SLC35F1: variants seen among roughly 807,000 people sequenced by gnomAD.
SLC35F1 encodes the protein chromosome 6 open reading frame 169.
In SLC35F1, 14 loss-of-function variants were observed where a neutral mutation model predicts 48.7. The observed-to-expected ratio is 0.29, with a 90% CI of 0.19 to 0.45. SLC35F1 has a LOEUF of 0.45. Among genes scored for constraint, SLC35F1 ranks in the 20% least tolerant of loss-of-function variants. SLC35F1 has a pLI of 1.00. For synonymous variants in SLC35F1, 190 were observed against 202.2 expected, an observed-to-expected ratio of 0.94 and a Z score of 0.51; for missense variants, 404 against 500.0, an observed-to-expected ratio of 0.81 and a Z score of 1.83.
chr6:118,145,990 G>A (rs1277007422), intron 1 of SLC35F1, among the ~76,000 whole-genome samples: 1 of 152,162 alleles, frequency 6.6e-6, no homozygotes, highest in East Asian at 1.9e-4. Flanking sequence ...GACAATTAAT[G>A]TTGAAAGACA....
At chr6:118,245,245 A>G (rs1305393465) in intron 3 of SLC35F1, among the ~76,000 whole-genome samples, 4 of 152,166 alleles carry the variant, frequency 2.6e-5, no homozygotes, top group African/African-American at 9.7e-5. Flanking sequence ...TGGAGGGAAA[A>G]GACTGACTAA....
At chr6:118,194,942 A>G (rs1174863669) in intron 2 of SLC35F1, among the ~76,000 whole-genome samples, 1 of 152,070 alleles carries the variant, frequency 6.6e-6, no homozygotes, top group Non-Finnish European at 1.5e-5. Context: ...AAGCCTCTCA[A>G]TTTTGTAAGA....
In SLC35F1 at chr6:117,943,147, G is replaced by A. The variant is rs976903; in HGVS notation, c.173+35248G>A. ...TAATGGATTTCTAAAATACAGAGGAGTGCTCTATTTCAAATTCCATTTGAA... is the reference window on the plus strand; with the variant it reads ...TAATGGATTTCTAAAATACAGAGGAATGCTCTATTTCAAATTCCATTTGAA... On this transcript the variant is annotated intron_variant, in intron 1 of 7. Transcript: ENST00000360388. Among the ~76,000 whole-genome samples the A allele has an allele frequency of 7.6e-3, 1,155 of 152,246 alleles. 16 individuals carry two copies. The highest frequency in any genetic ancestry group is 0.026 in the African/African-American group (1,097 of 41,552).
chr6:117,961,285 A>G lies in SLC35F1; in HGVS notation c.173+53386A>G, dbSNP rs1309728858. Among the ~76,000 whole-genome samples the G allele has an allele frequency of 3.9e-5, 6 of 152,328 alleles. No individual in the cohort carries two copies. In the East Asian group the frequency reaches 1.2e-3, roughly 29 times the overall value. ...ATTCAATTATTCTGACAACATTTTT[A>G]TTCTGCTTTATCACTGAAACTATTC... On this transcript the variant is annotated intron_variant, in intron 1 of 7. Coordinates refer to ENST00000360388, the MANE Select transcript of SLC35F1 (RefSeq NM_001029858.4).
intron 2 of SLC35F1, among the ~76,000 whole-genome samples, chr6:118,223,298 C>G (rs1775174959): frequency 6.6e-6 from 1 of 152,204 alleles, no homozygotes; most frequent in African/African-American, 2.4e-5. Context: ...AAATACTTTT[C>G]TCACAGGGCT....
intron 2 of SLC35F1, among the ~76,000 whole-genome samples, chr6:118,192,279 G>T (rs1336810031): frequency 6.6e-6 from 1 of 152,064 alleles, no homozygotes. Flanking sequence ...TTCTCCTTGG[G>T]TTAGCAGTTT....
At chr6:117,945,188 G>A (rs534501041) in intron 1 of SLC35F1, among the ~76,000 whole-genome samples, 8 of 152,294 alleles carry the variant, frequency 5.3e-5, no homozygotes, top group South Asian at 2.1e-4. Flanking sequence ...GTCCCCATCC[G>A]TGGGTCATCT....
intron 1 of SLC35F1, among the ~76,000 whole-genome samples, chr6:117,960,639 G>C (rs1380311972): frequency 6.6e-6 from 1 of 152,096 alleles, no homozygotes; most frequent in Non-Finnish European, 1.5e-5. Flanking sequence ...GATTTATCTG[G>C]TATATCCCCC....
At chr6:117,958,200 A>T (rs1342682389) in intron 1 of SLC35F1, among the ~76,000 whole-genome samples, 1 of 152,242 alleles carries the variant, frequency 6.6e-6, no homozygotes, top group African/African-American at 2.4e-5. Flanking sequence ...GAATAAAGAT[A>T]TAAATACAAA....
chr6:118,181,116 G>A (rs1410301746), intron 2 of SLC35F1, among the ~76,000 whole-genome samples: 4 of 152,062 alleles, frequency 2.6e-5, no homozygotes, highest in African/African-American at 9.7e-5. Context: ...TAAAAGTAGA[G>A]TTTCCTACTA....
At position 118,204,183 on chromosome 6, in the gene SLC35F1, C is replaced by A. The variant is rs1038183141; in HGVS notation, c.350-31326C>A. On this transcript the variant is annotated intron_variant, in intron 2 of 7. Transcript: ENST00000360388. Reference sequence around the variant, plus strand: ...CATGGGGACAGCCAGGGAGCCCAGCCCAGCCAAGGGAATAGTGGACACAAA... The same window carrying A: ...CATGGGGACAGCCAGGGAGCCCAGCACAGCCAAGGGAATAGTGGACACAAA... 5.3e-5 allele frequency among the ~76,000 whole-genome samples: 8 copies of A among 151,426 alleles called. No homozygotes were observed. In the East Asian group the frequency reaches 1.6e-3, roughly 29 times the overall value.
chr6:118,080,167 A>T (rs1772884922), intron 1 of SLC35F1, among the ~76,000 whole-genome samples: 1 of 152,206 alleles, frequency 6.6e-6, no homozygotes, highest in Admixed American at 6.5e-5. Context: ...TCAATTCAGT[A>T]AGTGGGGAAC....
chr6:118,256,208 GTGTGTGTGTGTGT>G (rs1775642007), intron 3 of SLC35F1, among the ~76,000 whole-genome samples: 1 of 14,142 alleles, frequency 7.1e-5, no homozygotes, highest in African/African-American at 8.9e-5. Context: ...GACTTCTGGT[GTGTGTGTGTGTGT>G]GTGTGTGTGT....
intron 1 of SLC35F1, among the ~76,000 whole-genome samples, chr6:117,932,338 C>G (rs1230456098): frequency 6.6e-6 from 1 of 152,026 alleles, no homozygotes; most frequent in Admixed American, 6.6e-5. Context: ...TTTTTTTGAC[C>G]ATTATCTATA....
intron 1 of SLC35F1, chr6:117,999,377 G>T: frequency 6.3e-7 from 1 of 1,585,654 alleles, no homozygotes; most frequent in African/African-American, 1.3e-5. Context: ...CAAGGCCCAG[G>T]CTGCAGCTCC....
intron 3 of SLC35F1, among the ~76,000 whole-genome samples, chr6:118,249,195 G>T (rs907304569): frequency 6.6e-6 from 1 of 152,190 alleles, no homozygotes; most frequent in Admixed American, 6.5e-5. Flanking sequence ...CTCCAGGCAG[G>T]TTCGAAGGCA....
intron 1 of SLC35F1, among the ~76,000 whole-genome samples, chr6:118,033,316 T>C (rs1408378503): frequency 6.6e-6 from 1 of 152,202 alleles, no homozygotes; most frequent in African/African-American, 2.4e-5. Flanking sequence ...AGAACTCAAA[T>C]TATTATCAGT....
chr6:118,169,784 G>C (rs923726320), intron 2 of SLC35F1, among the ~76,000 whole-genome samples: 1 of 151,972 alleles, frequency 6.6e-6, no homozygotes, highest in African/African-American at 2.4e-5. Context: ...GGGAGGAATT[G>C]GTTAATAAAA....
intron 1 of SLC35F1, among the ~76,000 whole-genome samples, chr6:118,131,182 G>GATCT (rs1773705054): frequency 6.6e-6 from 1 of 151,954 alleles, no homozygotes; most frequent in Non-Finnish European, 1.5e-5. Flanking sequence ...AAGAGAGGAG[G>GATCT]ATCTATTCAA....
Sources: gnomAD v4.1 joint callset for allele counts (sites outside exome capture counted in the v4.1 genomes callset) on GRCh38, gnomAD v4.1.1 for gene constraint, MANE v1.5 for transcripts, NCBI Gene and HGNC (gene_info 2026-07-23, HGNC 2026-07-21) for gene names.